The following PLEKHG4B variants were observed in gnomAD, a reference collection of about 807,000 sequenced individuals.
PLEKHG4B encodes pleckstrin homology and RhoGEF domain containing G4B.
A neutral mutation model predicts 121.3 loss-of-function variants in PLEKHG4B; 111 were observed. The observed-to-expected ratio is 0.92, with a 90% CI of 0.78 to 1.07. The LOEUF is 1.07. PLEKHG4B is among the 50% of genes least tolerant of loss of function. The probability of loss-of-function intolerance (pLI) is 0.00; values close to 1 mark genes in which losing one functional copy is unlikely to be tolerated. For missense variants in PLEKHG4B, 1,831 were observed against 1,757.8 expected, an observed-to-expected ratio of 1.04 and a Z score of -0.74; for synonymous variants, 738 against 725.0, an observed-to-expected ratio of 1.02 and a Z score of -0.29.
Position 169,469 on chromosome 5 carries a change from G to A in PLEKHG4B, c.3606G>A (p.Gly1202=), listed in dbSNP as rs868422874. The change falls in exon 14 of 20, where the codon GGG becomes GGA. Residue 1202 remains glycine, a synonymous_variant. Coordinates refer to ENST00000637938, the MANE Select transcript of PLEKHG4B (RefSeq NM_052909.5). ...TGGACTTGCCCCAGGGCCTTCGAGG[G>A]AAGCACCACGTTATTTTCGGCAACT... ...ERMDLPQGLR[G]KHHVIFGNLE... The A allele has an allele frequency of 6.2e-7, 1 of 1,614,238 alleles. No individual in the cohort carries two copies. The highest frequency in any genetic ancestry group is 8.5e-7 in the Non-Finnish European group (1 of 1,180,052).
chr5:166,972 A>G (rs1205182753), intron 13 of PLEKHG4B, among the ~76,000 whole-genome samples: 1 of 152,216 alleles, frequency 6.6e-6, no homozygotes, highest in East Asian at 1.9e-4. Flanking sequence ...GAGTCTCAGC[A>G]AGTGGCTGCA....
intron 14 of PLEKHG4B, among the ~76,000 whole-genome samples, chr5:169,800 C>G (rs1046957944): frequency 6.6e-6 from 1 of 152,246 alleles, no homozygotes; most frequent in African/African-American, 2.4e-5. Flanking sequence ...GTGCTTTGCG[C>G]GTGGTGTGAC....
intron 2 of PLEKHG4B, among the ~76,000 whole-genome samples, chr5:117,905 T>A (rs748667319): frequency 1.3e-5 from 2 of 151,962 alleles, no homozygotes; most frequent in Non-Finnish European, 2.9e-5. Flanking sequence ...AGAAACAGGA[T>A]ATTTCCATAA....
chr5:170,316 T>C (rs570712006), intron 14 of PLEKHG4B, among the ~76,000 whole-genome samples: 34 of 152,196 alleles, frequency 2.2e-4, no homozygotes, highest in African/African-American at 7.5e-4. Flanking sequence ...TTTTTTTTTT[T>C]CTTTGAGATG....
At chr5:142,619 A>G (rs1335977171) in intron 3 of PLEKHG4B, among the ~76,000 whole-genome samples, 4 of 151,640 alleles carry the variant, frequency 2.6e-5, no homozygotes, top group Non-Finnish European at 5.9e-5. Flanking sequence ...AGTTCCACAT[A>G]CCACACACAC....
rs1490443221 is a variant in PLEKHG4B at position 184,376 on chromosome 5, G to A, written c.*2053G>A. Reference sequence around the variant, plus strand: ...GGCATGTTCTGTTGGGAGGCACAAAGCTGATGAGGATGGCTGACTCCTCAG... The same window carrying A: ...GGCATGTTCTGTTGGGAGGCACAAAACTGATGAGGATGGCTGACTCCTCAG... On this transcript the variant is annotated 3_prime_UTR_variant, in exon 20 of 20. Transcript: ENST00000637938. 1 of 152,244 alleles carries A rather than the reference G, an allele frequency of 6.6e-6. No individual in the cohort carries two copies. Among genetic ancestry groups the A allele is most frequent in the East Asian group, 1.9e-4 (1 of 5,206 alleles). The allele number at this position is 152,244 out of a possible 1,614,324, so 9.4% of individuals were successfully genotyped here.
intron 1 of PLEKHG4B, among the ~76,000 whole-genome samples, chr5:99,205 T>G (rs1428827682): frequency 7.4e-6 from 1 of 135,390 alleles, no homozygotes; most frequent in African/African-American, 2.7e-5. Flanking sequence ...TATATATATA[T>G]ATATATATTT....
intron 1 of PLEKHG4B, among the ~76,000 whole-genome samples, chr5:105,433 C>T (rs147729336): frequency 2.5e-4 from 38 of 152,284 alleles, no homozygotes; most frequent in African/African-American, 6.7e-4. Flanking sequence ...TGATGATTTA[C>T]GTGGAATCTG....
intron 2 of PLEKHG4B, among the ~76,000 whole-genome samples, chr5:132,208 G>C (rs1334850280): frequency 6.6e-6 from 1 of 151,966 alleles, no homozygotes; most frequent in Non-Finnish European, 1.5e-5. Flanking sequence ...ATCCAAACTG[G>C]AAATTAAGAA....
chr5:170,963 A>C (rs1243084946), intron 14 of PLEKHG4B, 80 bp from the exon 15 acceptor site: 3 of 1,212,978 alleles, frequency 2.5e-6, no homozygotes, highest in Non-Finnish European at 3.5e-6. Context: ...GAGCAGTTCC[A>C]AGTCTGACCC....
intron 2 of PLEKHG4B, among the ~76,000 whole-genome samples, chr5:129,074 A>G (rs1274490609): frequency 1.3e-5 from 2 of 152,250 alleles, no homozygotes; most frequent in African/African-American, 4.8e-5. Flanking sequence ...ATTTGACTCC[A>G]AAATAGATTT....
In PLEKHG4B at chr5:184,759, T is replaced by A. The variant is rs1733562874; in HGVS notation, c.*2436T>A. 1 of 151,218 alleles carries A rather than the reference T, an allele frequency of 6.6e-6. No homozygotes were observed. Among genetic ancestry groups the A allele is most frequent in the African/African-American group, 2.4e-5 (1 of 40,898 alleles). The allele number at this position is 151,218 out of a possible 1,614,324, so 9.4% of individuals were successfully genotyped here. ...TGGCTTGGCCGGGTGCGGTGGCTCATGTCTCTAATCCCAGCACTTTGGGAG... is the reference window on the plus strand; with the variant it reads ...TGGCTTGGCCGGGTGCGGTGGCTCAAGTCTCTAATCCCAGCACTTTGGGAG... On this transcript the variant is annotated 3_prime_UTR_variant, in exon 20 of 20. Coordinates refer to ENST00000637938, the MANE Select transcript of PLEKHG4B (RefSeq NM_052909.5).
intron 11 of PLEKHG4B, among the ~76,000 whole-genome samples, chr5:158,834 AT>A (rs1735893382): frequency 1.3e-5 from 2 of 151,584 alleles, no homozygotes; most frequent in Admixed American, 1.3e-4. Context: ...GTGGTCTCCT[AT>A]TTCCTGTATC....
chr5:142,691 A>C (rs1735257734), intron 3 of PLEKHG4B, among the ~76,000 whole-genome samples: 1 of 152,092 alleles, frequency 6.6e-6, no homozygotes, highest in South Asian at 2.1e-4. Flanking sequence ...TGCCAGAGTT[A>C]CACATACCAC....
chr5:124,817 G>T (rs1370282455), intron 2 of PLEKHG4B, among the ~76,000 whole-genome samples: 1 of 152,132 alleles, frequency 6.6e-6, no homozygotes, highest in Non-Finnish European at 1.5e-5. Flanking sequence ...CATATAGTTG[G>T]ATCATGTGGG....
In PLEKHG4B at chr5:143,253, C is replaced by A. The variant is rs754101456; in HGVS notation, c.1684C>A (p.Pro562Thr). 1 of 1,610,018 alleles carries A rather than the reference C, an allele frequency of 6.2e-7. No homozygotes were observed. Among genetic ancestry groups the A allele is most frequent in the Non-Finnish European group, 8.5e-7 (1 of 1,179,956 alleles). ...ELLQSGVVTL[P>T]GTRDRHGRAV... Reference sequence around the variant, plus strand: ...GCTGCAGTCCGGGGTCGTCACCCTCCCAGGTGAGAGCACATGCCAGGCTCT... The same window carrying A: ...GCTGCAGTCCGGGGTCGTCACCCTCACAGGTGAGAGCACATGCCAGGCTCT... The change falls in exon 4 of 20, where the codon CCA (proline) becomes ACA (threonine). Residue 562 changes from proline (P) to threonine (T), a missense_variant. Pro to Thr is a conservative substitution (Grantham distance 38). Transcript: ENST00000637938.
rs1735603571 is a variant in PLEKHG4B at position 151,529 on chromosome 5, T to C, written c.1922T>C (p.Ile641Thr). The part of the protein sequence containing the change: ...LSGLQNNTSP[I>T]IHSILLLVDK... Reference sequence around the variant, plus strand: ...TTATTTCAGAACAACACATCTCCTATAATTCATAGTATCTTGCTGTTGGTA... The same window carrying C: ...TTATTTCAGAACAACACATCTCCTACAATTCATAGTATCTTGCTGTTGGTA... The change falls in exon 7 of 20, where the codon ATA (isoleucine) becomes ACA (threonine). Residue 641 changes from isoleucine (I) to threonine (T), a missense_variant. Transcript: ENST00000637938. 1.3e-6 allele frequency: 2 copies of C among 1,570,628 alleles called. No homozygotes were observed. Among genetic ancestry groups the C allele is most frequent in the Non-Finnish European group, 1.7e-6 (2 of 1,144,044 alleles).
rs1396244912 is a variant in PLEKHG4B at position 135,716 on chromosome 5, T to A, written c.244-3767T>A. 1.3e-3 allele frequency among the ~76,000 whole-genome samples: 146 copies of A among 108,378 alleles called. 5 individuals are homozygous for A. The highest frequency in any genetic ancestry group is 4.3e-3 in the Middle Eastern group (1 of 230). The allele number at this position is 108,378 out of a possible 152,430, so 71.1% of individuals were successfully genotyped here. On this transcript the variant is annotated intron_variant, in intron 2 of 19. Coordinates refer to ENST00000637938, the MANE Select transcript of PLEKHG4B (RefSeq NM_052909.5). The stretch of plus-strand genomic sequence containing the variant: ...ATATATATATATATATATATATATA[T>A]ATATATATATATGTATGTCAGTACT...
intron 14 of PLEKHG4B, 89 bp downstream of exon 14, chr5:169,681 G>A (rs1174342711): frequency 9.0e-6 from 14 of 1,553,968 alleles, no homozygotes; most frequent in Non-Finnish European, 1.1e-5. Flanking sequence ...CACGTGTCAG[G>A]CGGTTGGAAT....
Sources: gnomAD v4.1 joint callset for allele counts (sites outside exome capture counted in the v4.1 genomes callset) on GRCh38, gnomAD v4.1.1 for gene constraint, MANE v1.5 for transcripts, NCBI Gene and HGNC (gene_info 2026-07-23, HGNC 2026-07-21) for gene names.